The following OR8B8 variants were observed in gnomAD, a reference collection of about 807,000 sequenced individuals.
The protein encoded by OR8B8 is olfactory receptor 8B8.
In OR8B8, 8 loss-of-function variants were observed where a neutral mutation model predicts 10.5. That is an observed-to-expected ratio of 0.76 (90% CI 0.45 to 1.38). OR8B8 has a LOEUF of 1.38. Among genes scored for constraint, OR8B8 ranks in the 40% most tolerant of loss-of-function variants. The pLI, the probability that OR8B8 is intolerant of heterozygous loss-of-function variation, is 0.00. For missense variants in OR8B8, 390 were observed against 380.5 expected, an observed-to-expected ratio of 1.03 and a Z score of -0.21; for synonymous variants, 150 against 145.2, an observed-to-expected ratio of 1.03 and a Z score of -0.24.
Position 124,441,062 on chromosome 11 carries a change from GA to G in OR8B8, c.23del (p.Phe8SerfsTer2), listed in dbSNP as rs1565362060. 6.2e-7 allele frequency: 1 copy of G among 1,611,642 alleles called. No homozygotes were observed. The highest frequency in any genetic ancestry group is 2.2e-5 in the East Asian group (1 of 44,864). ...AGCCTGCGAGGATAAACTGTGTCAC[GA>G]AGGAGGAATTCTCAGCAGCCATTGT... MAAENSS[F>X]VTQFILAGLT... On this transcript the variant is annotated frameshift_variant, in exon 3 of 3. Transcript: ENST00000642064. LOFTEE classifies it high-confidence loss of function.
rs1861414063 is a variant in OR8B8 at position 124,437,517 on chromosome 11, G to A, written c.*2633C>T. ...AGAGGCTGAGAAGTCCAAGATTAAG[G>A]CAGCAGCAGATTCCGTGTCTGGTGA... On this transcript the variant is annotated 3_prime_UTR_variant, in exon 3 of 3. Transcript: ENST00000642064. 6.6e-6 allele frequency: 1 copy of A among 152,134 alleles called. No homozygotes were observed. The highest frequency in any genetic ancestry group is 2.1e-4 in the South Asian group (1 of 4,820). The allele number at this position is 152,134 out of a possible 1,614,324, so 9.4% of individuals were successfully genotyped here. A position where few individuals can be genotyped will look rare whatever the true frequency, so the allele number is the denominator to read the frequency against.
chr11:124,443,824 A>G (rs953690829), intron 1 of OR8B8, among the ~76,000 whole-genome samples: 2 of 152,114 alleles, frequency 1.3e-5, no homozygotes, highest in Admixed American at 6.5e-5. Context: ...TGACTACACT[A>G]CGTATCCCCT....
rs1472049376 is a variant in OR8B8 at position 124,440,623 on chromosome 11, C to A, written c.463G>T (p.Gly155Trp). The A allele has an allele frequency of 6.2e-7, 1 of 1,614,030 alleles. No homozygotes were observed. Among genetic ancestry groups the A allele is most frequent in the African/African-American group, 1.3e-5 (1 of 74,906 alleles). Residue 155 changes from glycine to tryptophan, a missense_variant, in exon 3 of 3, where the codon GGG (glycine) becomes TGG (tryptophan). Coordinates refer to ENST00000642064, the MANE Select transcript of OR8B8 (RefSeq NM_012378.2). The part of the protein sequence containing the change: ...LLGVYGMGFA[G>W]AMAHTACMMG... Reference sequence around the variant, plus strand: ...ATGCACGCTGTGTGGGCCATGGCCCCAGCAAACCCCATCCCATAGACACCC... The same window carrying A: ...ATGCACGCTGTGTGGGCCATGGCCCAAGCAAACCCCATCCCATAGACACCC...
chr11:124,444,930 T>G (rs1471551297), intron 1 of OR8B8, among the ~76,000 whole-genome samples: 1 of 152,140 alleles, frequency 6.6e-6, no homozygotes, highest in African/African-American at 2.4e-5. Context: ...TCTTCAAACT[T>G]TAAGGCCTGT....
rs1861426765 is a variant in OR8B8, at chr11:124,438,371, A to C, written c.*1779T>G. On this transcript the variant is annotated 3_prime_UTR_variant, in exon 3 of 3. Transcript: ENST00000642064. ...TTAATCTGCACCATCCCAAAGGGCAACACTCTACATCCATCCAAACTTTAC... is the reference window on the plus strand; with the variant it reads ...TTAATCTGCACCATCCCAAAGGGCACCACTCTACATCCATCCAAACTTTAC... The C allele has an allele frequency of 6.6e-6, 1 of 152,252 alleles. No homozygotes were observed. Among genetic ancestry groups the C allele is most frequent in the Admixed American group, 6.5e-5 (1 of 15,288 alleles). 9.4% of individuals were successfully genotyped at this position (152,252 alleles called of 1,614,324 possible). A position where few individuals can be genotyped will look rare whatever the true frequency, so the allele number is the denominator to read the frequency against.
Position 124,437,994 on chromosome 11 carries a change from G to A in OR8B8, c.*2156C>T, listed in dbSNP as rs1399712587. The A allele has an allele frequency of 1.3e-5, 2 of 152,014 alleles. No individual in the cohort carries two copies. The highest frequency in any genetic ancestry group is 1.9e-4 in the East Asian group (1 of 5,190). The allele number at this position is 152,014 out of a possible 1,614,324, so 9.4% of individuals were successfully genotyped here. A position where few individuals can be genotyped will look rare whatever the true frequency, so the allele number is the denominator to read the frequency against. On this transcript the variant is annotated 3_prime_UTR_variant, in exon 3 of 3. Transcript: ENST00000642064. Reference sequence around the variant, plus strand: ...CAGAAAAATGAAGCAATTGTCCCAAGGTCACATAATAAATTAGTGCAAGTG... The same window carrying A: ...CAGAAAAATGAAGCAATTGTCCCAAAGTCACATAATAAATTAGTGCAAGTG...
At position 124,440,222 on chromosome 11, in the gene OR8B8, T is replaced by C; in HGVS notation, c.864A>G (p.Leu288=). 1 of 1,614,160 alleles carries C rather than the reference T, an allele frequency of 6.2e-7. No individual in the cohort carries two copies. Among genetic ancestry groups the C allele is most frequent in the African/African-American group, 1.3e-5 (1 of 75,030 alleles). The change falls in exon 3 of 3, where the codon TTA becomes TTG. Residue 288 remains leucine, a synonymous_variant. Coordinates refer to ENST00000642064, the MANE Select transcript of OR8B8 (RefSeq NM_012378.2). ...YTTVVPMLNP[L]IYSLRNKDVK... ...CGTCCTTATTCCTCAGGCTATAAAT[T>C]AATGGGTTGAGCATGGGCACCACAG...
In OR8B8 at chr11:124,441,005, GA is replaced by G. The variant is rs771395882; in HGVS notation, c.80del (p.Leu27ProfsTer6). The G allele has an allele frequency of 6.2e-7, 1 of 1,613,928 alleles. No individual in the cohort carries two copies. ...CGTAGAAGCCTAGAAACAGGAAGAA[GA>G]GGGGGATCTGGACTCCCGGTTGGTC... ...LTDQPGVQIP[L>X]FFLFLGFYVV... On this transcript the variant is annotated frameshift_variant, in exon 3 of 3. Transcript: ENST00000642064. LOFTEE classifies it high-confidence loss of function.
rs1861442385 is a variant in OR8B8, at chr11:124,439,597, A to T, written c.*553T>A. The stretch of plus-strand genomic sequence containing the variant: ...TACATGCTGCTCCCTGGGTCCTAAC[A>T]CACTTCCCCTGCACCTTCTTCAAAA... On this transcript the variant is annotated 3_prime_UTR_variant, in exon 3 of 3. Coordinates refer to ENST00000642064, the MANE Select transcript of OR8B8 (RefSeq NM_012378.2). 1 of 155,690 alleles carries T rather than the reference A, an allele frequency of 6.4e-6. No individual in the cohort carries two copies. 9.6% of individuals were successfully genotyped at this position (155,690 alleles called of 1,614,324 possible).
chr11:124,442,858 C>A (rs1861488799), intron 1 of OR8B8, among the ~76,000 whole-genome samples: 1 of 152,154 alleles, frequency 6.6e-6, no homozygotes, highest in South Asian at 2.1e-4. Flanking sequence ...AAATTTGAAT[C>A]AATATTTAAA....
At position 124,440,806 on chromosome 11, in the gene OR8B8, A is replaced by G; in HGVS notation, c.280T>C (p.Tyr94His). ...SFVLKKNSIS[Y>H]AGCMTQLFFF... ...AAGAGCTGAGTCATACACCCTGCGT[A>G]GGAGATGCTGTTCTTCTTTAAGACA... Residue 94 changes from tyrosine to histidine, a missense_variant, in exon 3 of 3, where the codon TAC (tyrosine) becomes CAC (histidine). By Grantham distance (83) the Tyr-to-His change is moderately conservative. Transcript: ENST00000642064. The G allele has an allele frequency of 6.2e-7, 1 of 1,614,232 alleles. No homozygotes were observed. The highest frequency in any genetic ancestry group is 8.5e-7 in the Non-Finnish European group (1 of 1,180,042).
At chr11:124,443,234 G>A (rs1861494668) in intron 1 of OR8B8, among the ~76,000 whole-genome samples, 1 of 152,216 alleles carries the variant, frequency 6.6e-6, no homozygotes, top group Admixed American at 6.5e-5. Context: ...CTGGCCTTTA[G>A]TTCGGCTGGA....
rs1305378411 is a variant in OR8B8 at position 124,440,855 on chromosome 11, GAT to G, written c.229_230del (p.Ile77HisfsTer34). 6.2e-7 allele frequency: 1 copy of G among 1,614,166 alleles called. No homozygotes were observed. The highest frequency in any genetic ancestry group is 8.5e-7 in the Non-Finnish European group (1 of 1,180,030). On this transcript the variant is annotated frameshift_variant, in exon 3 of 3. Coordinates refer to ENST00000642064, the MANE Select transcript of OR8B8 (RefSeq NM_012378.2). LOFTEE classifies it high-confidence loss of function. ...CAAAGCTCATCAGCATTTTGGGAGT[GAT>G]AACACTGGAATAGCAGAAATCTATG... Reference protein sequence around the residue: ...SFIDFCYSSVITPKMLMSFVL... With the variant: ...SFIDFCYSSVXTPKMLMSFVL...
In OR8B8 at chr11:124,438,353, G is replaced by C. The variant is rs1248971638; in HGVS notation, c.*1797C>G. 2 of 152,098 alleles carry C rather than the reference G, an allele frequency of 1.3e-5. No individual in the cohort carries two copies. The highest frequency in any genetic ancestry group is 2.9e-5 in the Non-Finnish European group (2 of 68,034). The allele number at this position is 152,098 out of a possible 1,614,324, so 9.4% of individuals were successfully genotyped here. A position where few individuals can be genotyped will look rare whatever the true frequency, so the allele number is the denominator to read the frequency against. Reference sequence around the variant, plus strand: ...CTTTTGAATTCACCCTTATTAATCTGCACCATCCCAAAGGGCAACACTCTA... The same window carrying C: ...CTTTTGAATTCACCCTTATTAATCTCCACCATCCCAAAGGGCAACACTCTA... On this transcript the variant is annotated 3_prime_UTR_variant, in exon 3 of 3. Transcript: ENST00000642064.
rs765446611 is a variant in OR8B8 at position 124,440,332 on chromosome 11, A to G, written c.754T>C (p.Phe252Leu). The part of the protein sequence containing the change: ...SSHIIAVSLF[F>L]GSGAFMYLKP... ...AGGTACATGAATGCTCCTGACCCAA[A>G]GAACAGAGAAACTGCAATTATGTGG... Residue 252 changes from phenylalanine to leucine, a missense_variant, in exon 3 of 3, where the codon TTT (phenylalanine) becomes CTT (leucine). Transcript: ENST00000642064. 1 of 1,614,232 alleles carries G rather than the reference A, an allele frequency of 6.2e-7. No individual in the cohort carries two copies. Among genetic ancestry groups the G allele is most frequent in the Admixed American group, 1.7e-5 (1 of 60,034 alleles).
rs1861445804 is a variant in OR8B8, at chr11:124,439,920, G to A, written c.*230C>T. The stretch of plus-strand genomic sequence containing the variant: ...GAGCAGCTGAGCGACCTCGGGGAAG[G>A]TACATAAGCTTGAGTCTATCCTCAG... On this transcript the variant is annotated 3_prime_UTR_variant, in exon 3 of 3. Transcript: ENST00000642064. The A allele has an allele frequency of 2.0e-6, 1 of 495,292 alleles. No homozygotes were observed. The highest frequency in any genetic ancestry group is 3.4e-5 in the South Asian group (1 of 29,758). The allele number at this position is 495,292 out of a possible 1,614,324, so 30.7% of individuals were successfully genotyped here. A position where few individuals can be genotyped will look rare whatever the true frequency, so the allele number is the denominator to read the frequency against.
rs150729374 is a variant in OR8B8, at chr11:124,439,815, G to A, written c.*335C>T. On this transcript the variant is annotated 3_prime_UTR_variant, in exon 3 of 3. Transcript: ENST00000642064. ...GAAATGAAATCTTCCAGAGGCTGAG[G>A]GAGGAAGAAAGTGAGCCATAATGAA... 969 of 219,512 alleles carry A rather than the reference G, an allele frequency of 4.4e-3. 4 individuals are homozygous for A. The highest frequency in any genetic ancestry group is 0.018 in the South Asian group (157 of 8,504). The allele number at this position is 219,512 out of a possible 1,614,324, so 13.6% of individuals were successfully genotyped here.
Position 124,438,732 on chromosome 11 carries a change from A to G in OR8B8, c.*1418T>C, listed in dbSNP as rs559247567. Reference sequence around the variant, plus strand: ...TGAGAGAAACCACAAAGAGATGGTCAAGCTCTCTGGGTTAGCAACAGCAGG... The same window carrying G: ...TGAGAGAAACCACAAAGAGATGGTCGAGCTCTCTGGGTTAGCAACAGCAGG... On this transcript the variant is annotated 3_prime_UTR_variant, in exon 3 of 3. Coordinates refer to ENST00000642064, the MANE Select transcript of OR8B8 (RefSeq NM_012378.2). 1 of 152,242 alleles carries G rather than the reference A, an allele frequency of 6.6e-6. No individual in the cohort carries two copies. Among genetic ancestry groups the G allele is most frequent in the African/African-American group, 2.4e-5 (1 of 41,454 alleles). 9.4% of individuals were successfully genotyped at this position (152,242 alleles called of 1,614,324 possible). A position where few individuals can be genotyped will look rare whatever the true frequency, so the allele number is the denominator to read the frequency against.
chr11:124,444,497 C>T (rs1040744707), intron 1 of OR8B8, among the ~76,000 whole-genome samples: 5 of 152,214 alleles, frequency 3.3e-5, no homozygotes, highest in African/African-American at 7.2e-5. Flanking sequence ...TGCAGCTCTA[C>T]TCACAATGTA....
Sources: gnomAD v4.1 joint callset for allele counts (sites outside exome capture counted in the v4.1 genomes callset) on GRCh38, gnomAD v4.1.1 for gene constraint, MANE v1.5 for transcripts, NCBI Gene and HGNC (gene_info 2026-07-23, HGNC 2026-07-21) for gene names.